The following GRK3 variants were observed in gnomAD, a reference collection of about 807,000 sequenced individuals.
The protein encoded by GRK3 is G protein-coupled receptor kinase 3, also known as adrenergic, beta, receptor kinase 2.
GRK3 carries 54 observed loss-of-function variants against 95.7 expected under a neutral mutation model. The ratio of observed to expected loss-of-function variants is 0.56; its 90% CI spans 0.45 to 0.71. The LOEUF is 0.71. Among genes scored for constraint, GRK3 ranks in the 30% least tolerant of loss-of-function variants. The pLI is 0.00. For synonymous variants in GRK3, 281 were observed against 290.8 expected, an observed-to-expected ratio of 0.97 and a Z score of 0.34; for missense variants, 649 against 851.2, an observed-to-expected ratio of 0.76 and a Z score of 2.96.
In GRK3 at chr22:25,700,614, G is replaced by A. The variant is rs545409591; in HGVS notation, c.1161-2896G>A. ...TTTATTTTATTTTATTTGAGACGGCGTCTCGCTCTATTGCCCAGGCTGGAG... is the reference window on the plus strand; with the variant it reads ...TTTATTTTATTTTATTTGAGACGGCATCTCGCTCTATTGCCCAGGCTGGAG... On this transcript the variant is annotated intron_variant, in intron 13 of 20. Coordinates refer to ENST00000324198, the MANE Select transcript of GRK3 (RefSeq NM_005160.4). 9.2e-5 allele frequency among the ~76,000 whole-genome samples: 14 copies of A among 152,252 alleles called. No individual in the cohort carries two copies. In the East Asian group the frequency reaches 1.5e-3, roughly 17 times the overall value.
chr22:25,566,160 C>A (rs1222728391), intron 1 of GRK3, among the ~76,000 whole-genome samples: 4 of 152,050 alleles, frequency 2.6e-5, no homozygotes, highest in Admixed American at 6.5e-5. Context: ...CTAATTAACA[C>A]CATCATGAGT....
At chr22:25,609,436 A>G (rs1357525997) in intron 2 of GRK3, among the ~76,000 whole-genome samples, 1 of 151,954 alleles carries the variant, frequency 6.6e-6, no homozygotes, top group Non-Finnish European at 1.5e-5. Flanking sequence ...GGTTCAAGCA[A>G]TGCTCTTGCC....
chr22:25,711,173 T>A lies in GRK3; in HGVS notation c.1491+10T>A, dbSNP rs1031312203. The stretch of plus-strand genomic sequence containing the variant: ...TACCAAAGGGATTAAGGTACACATG[T>A]GATCATTTATTTCTTTATTTTTATT... On this transcript the variant is annotated intron_variant, in intron 17 of 20. Transcript: ENST00000324198. The A allele has an allele frequency of 1.3e-6, 2 of 1,539,300 alleles. No homozygotes were observed. The highest frequency in any genetic ancestry group is 1.8e-6 in the Non-Finnish European group (2 of 1,128,422).
Position 25,678,892 on chromosome 22 carries a change from A to G in GRK3, c.724A>G (p.Met242Val), listed in dbSNP as rs1555926397. The G allele has an allele frequency of 6.9e-6, 11 of 1,605,164 alleles. No homozygotes were observed. In the South Asian group the frequency reaches 1.1e-4, roughly 16 times the overall value. ...AACATTAGCCTTAAATGAAAGAATC[A>G]TGTTGTCTCTTGTCAGCACAGGAGT... ...GETLALNERI[M>V]LSLVSTGDCP... The change falls in exon 9 of 21, where the codon ATG (methionine) becomes GTG (valine). Residue 242 changes from methionine (M) to valine (V), a missense_variant. Physicochemically the swap from Met to Val is conservative, Grantham distance 21. This residue lies in a region of GRK3 where 61 missense variants were observed against 126.0 expected (regional missense o/e 0.48). Transcript: ENST00000324198.
At chr22:25,641,818 G>A (rs1170590740) in intron 2 of GRK3, among the ~76,000 whole-genome samples, 1 of 152,200 alleles carries the variant, frequency 6.6e-6, no homozygotes, top group Non-Finnish European at 1.5e-5. Flanking sequence ...AGCTTGGGGG[G>A]AGCACTGTGA....
chr22:25,676,053 T>G (rs377587426), intron 8 of GRK3, among the ~76,000 whole-genome samples: 1 of 152,230 alleles, frequency 6.6e-6, no homozygotes, highest in Non-Finnish European at 1.5e-5. Flanking sequence ...TGCCTTGTTA[T>G]GAGAATTAAA....
At chr22:25,657,371 A>G (rs940443736) in intron 3 of GRK3, among the ~76,000 whole-genome samples, 2 of 152,170 alleles carry the variant, frequency 1.3e-5, no homozygotes, top group African/African-American at 2.4e-5. Context: ...AAGCTCTGCT[A>G]TTGAGTACAG....
intron 1 of GRK3, chr22:25,580,247 G>C (rs1200110922): frequency 6.6e-6 from 1 of 152,118 alleles, no homozygotes; most frequent in Non-Finnish European, 1.5e-5. Flanking sequence ...GGACAGTCAG[G>C]TACTCTCCCT....
At chr22:25,609,000 T>C (rs562706758) in intron 2 of GRK3, among the ~76,000 whole-genome samples, 2 of 152,368 alleles carry the variant, frequency 1.3e-5, no homozygotes, top group South Asian at 4.1e-4. Context: ...CTTATCCTTA[T>C]ATAGAAATTT....
intron 15 of GRK3, among the ~76,000 whole-genome samples, chr22:25,706,750 T>C (rs1337997894): frequency 6.6e-6 from 1 of 152,184 alleles, no homozygotes; most frequent in Non-Finnish European, 1.5e-5. Flanking sequence ...CTCGAACTCC[T>C]GATCTCAAGT....
chr22:25,613,999 C>T (rs947059160), intron 2 of GRK3, among the ~76,000 whole-genome samples: 5 of 151,184 alleles, frequency 3.3e-5, no homozygotes, highest in Non-Finnish European at 7.4e-5. Flanking sequence ...ATTATCATCG[C>T]CCCACCCAAA....
intron 2 of GRK3, among the ~76,000 whole-genome samples, chr22:25,641,231 A>AT (rs1270210160): frequency 1.3e-5 from 2 of 152,108 alleles, no homozygotes; most frequent in African/African-American, 4.8e-5. Flanking sequence ...GACAATGGAG[A>AT]TTTCCTTAAA....
At chr22:25,696,199 C>T (rs994045070) in intron 13 of GRK3, among the ~76,000 whole-genome samples, 3 of 152,060 alleles carry the variant, frequency 2.0e-5, no homozygotes, top group South Asian at 2.1e-4. Context: ...AGGCTGGTCT[C>T]GAACTCCTGG....
chr22:25,578,713 G>A (rs1354071087), intron 1 of GRK3, among the ~76,000 whole-genome samples: 1 of 152,126 alleles, frequency 6.6e-6, no homozygotes, highest in East Asian at 1.9e-4. Flanking sequence ...AGGAATGTGG[G>A]CAGCCTGTAG....
intron 13 of GRK3, among the ~76,000 whole-genome samples, chr22:25,701,849 C>A (rs1440496018): frequency 6.6e-6 from 1 of 152,194 alleles, no homozygotes; most frequent in African/African-American, 2.4e-5. Flanking sequence ...GATAAACTTT[C>A]ATTCCTTTTC....
At chr22:25,698,424 T>C (rs1381638871) in intron 13 of GRK3, among the ~76,000 whole-genome samples, 2 of 152,164 alleles carry the variant, frequency 1.3e-5, no homozygotes, top group African/African-American at 2.4e-5. Flanking sequence ...AGCGATGTGC[T>C]GCGAGCACAG....
chr22:25,647,623 A>G, intron 3 of GRK3: 1 of 1,493,664 alleles, frequency 6.7e-7, no homozygotes, highest in South Asian at 1.1e-5. Flanking sequence ...ATTTCAAATA[A>G]TTAACAATAC....
intron 3 of GRK3, chr22:25,648,484 G>A: frequency 2.9e-6 from 4 of 1,396,830 alleles, no homozygotes; most frequent in East Asian, 4.6e-5. Context: ...GTGTGGATGG[G>A]AATATGGAAT....
intron 1 of GRK3, 145 bp from the exon 2 acceptor site, chr22:25,604,232 C>T (rs2084428345): frequency 2.0e-6 from 1 of 511,872 alleles, no homozygotes; most frequent in East Asian, 3.4e-5. Context: ...GGCTTTTAGG[C>T]TGGTCTGCAT....
Sources: allele counts gnomAD v4.1 joint callset (sites outside exome capture counted in the v4.1 genomes callset), GRCh38; gene constraint gnomAD v4.1.1; regional missense constraint gnomAD v4.1.1; transcripts MANE v1.5; gene names NCBI Gene and HGNC (gene_info 2026-07-23, HGNC 2026-07-21).